GPC6: variants seen among roughly 807,000 people sequenced by gnomAD.
GPC6 encodes glypican 6, also known as glypican-6.
A neutral mutation model predicts 55.2 loss-of-function variants in GPC6; 14 were observed. The observed-to-expected ratio is 0.25, with a 90% CI of 0.17 to 0.40. The LOEUF is 0.40. Among genes scored for constraint, GPC6 ranks in the 10% least tolerant of loss-of-function variants. The pLI, the probability that GPC6 is intolerant of heterozygous loss-of-function variation, is 1.00. For synonymous variants in GPC6, 278 were observed against 259.6 expected, an observed-to-expected ratio of 1.07 and a Z score of -0.68; for missense variants, 641 against 708.5, an observed-to-expected ratio of 0.90 and a Z score of 1.08.
intron 2 of GPC6, among the ~76,000 whole-genome samples, chr13:93,701,570 A>T (rs1882672617): frequency 6.6e-6 from 1 of 152,024 alleles, no homozygotes; most frequent in Non-Finnish European, 1.5e-5. Flanking sequence ...TCCTGTGTCA[A>T]TTAATTTTCA....
intron 2 of GPC6, among the ~76,000 whole-genome samples, chr13:93,786,934 A>T (rs766583387): frequency 6.6e-6 from 1 of 152,184 alleles, no homozygotes; most frequent in African/African-American, 2.4e-5. Flanking sequence ...GGCCTTGAGC[A>T]ATTTGGGCTG....
intron 4 of GPC6, among the ~76,000 whole-genome samples, chr13:94,165,160 T>C (rs1194600734): frequency 1.3e-5 from 2 of 151,228 alleles, no homozygotes; most frequent in Admixed American, 1.3e-4. Flanking sequence ...TGCCTATCAG[T>C]CAACGAGTGG....
intron 4 of GPC6, among the ~76,000 whole-genome samples, chr13:94,236,850 G>A (rs1890893730): frequency 6.6e-6 from 1 of 151,326 alleles, no homozygotes; most frequent in Non-Finnish European, 1.5e-5. Flanking sequence ...TAACATCCTT[G>A]CTTTCCCCCA....
rs546668611 is a variant in GPC6 at position 93,627,896 on chromosome 13, T to G, written c.319+82475T>G. 1.7e-4 allele frequency among the ~76,000 whole-genome samples: 26 copies of G among 152,340 alleles called. No individual in the cohort carries two copies. The South Asian group carries it at 4.8e-3, about 28-fold the overall frequency. ...AAGACATACTTTTATTAGATATCTC[T>G]CAACACATAAATTTCATACTTAACT... On this transcript the variant is annotated intron_variant, in intron 2 of 8. Coordinates refer to ENST00000377047, the MANE Select transcript of GPC6 (RefSeq NM_005708.5).
chr13:94,254,969 A>G (rs114313391), intron 4 of GPC6, among the ~76,000 whole-genome samples: 1,899 of 152,310 alleles, frequency 0.012, 43 homozygotes, highest in African/African-American at 0.044. Context: ...AAGCATTTGA[A>G]ACAAAGAGAT....
intron 3 of GPC6, among the ~76,000 whole-genome samples, chr13:93,903,261 T>C (rs1016064470): frequency 3.3e-5 from 5 of 152,190 alleles, no homozygotes; most frequent in African/African-American, 1.2e-4. Context: ...TTGACTGTTC[T>C]TTTTCAACGG....
chr13:93,718,379 T>C (rs954482018), intron 2 of GPC6, among the ~76,000 whole-genome samples: 6 of 151,886 alleles, frequency 4.0e-5, no homozygotes, highest in East Asian at 1.9e-4. Context: ...CTTTTTTTCA[T>C]GTTTGTTGGG....
chr13:94,001,683 C>T (rs1881808049), intron 3 of GPC6, among the ~76,000 whole-genome samples: 1 of 152,106 alleles, frequency 6.6e-6, no homozygotes, highest in Non-Finnish European at 1.5e-5. Context: ...TTGGTGAATT[C>T]ACAAGTAACA....
At chr13:93,791,758 G>A (rs557228708) in intron 2 of GPC6, among the ~76,000 whole-genome samples, 1 of 152,302 alleles carries the variant, frequency 6.6e-6, no homozygotes, top group South Asian at 2.1e-4. Flanking sequence ...GTGTTTGGAA[G>A]ACTATTCCTG....
chr13:93,667,260 G>C (rs1244558480), intron 2 of GPC6, among the ~76,000 whole-genome samples: 1 of 152,062 alleles, frequency 6.6e-6, no homozygotes, highest in East Asian at 1.9e-4. Context: ...CAGAAGCCAT[G>C]TTATGTGAAA....
chr13:93,893,797 C>A (rs1875831696), intron 3 of GPC6, among the ~76,000 whole-genome samples: 1 of 152,190 alleles, frequency 6.6e-6, no homozygotes, highest in Admixed American at 6.6e-5. Flanking sequence ...TCTAAAATAT[C>A]AGACTTCTCT....
intron 1 of GPC6, among the ~76,000 whole-genome samples, chr13:93,487,699 A>G (rs1879780978): frequency 6.6e-6 from 1 of 152,190 alleles, no homozygotes; most frequent in Non-Finnish European, 1.5e-5. Flanking sequence ...AAGAAGTAGG[A>G]TGACATTTAA....
At chr13:93,736,174 C>T (rs1883996742) in intron 2 of GPC6, among the ~76,000 whole-genome samples, 1 of 152,202 alleles carries the variant, frequency 6.6e-6, no homozygotes, top group Non-Finnish European at 1.5e-5. Context: ...CAGACAGTCA[C>T]ATGTTAAATG....
chr13:93,733,184 TA>T (rs1420541224), intron 2 of GPC6, among the ~76,000 whole-genome samples: 1 of 152,154 alleles, frequency 6.6e-6, no homozygotes. Context: ...ACACTCATCT[TA>T]CTGTGACTCA....
Position 94,253,935 on chromosome 13 carries a change from T to A in GPC6, c.878-32414T>A, listed in dbSNP as rs542149954. ...AAGGTCATTAATTTGCACATTAGTC[T>A]CTTAGGTTGGTAGCACACAGATTGA... is the stretch of plus-strand genomic sequence containing the variant. On this transcript the variant is annotated intron_variant, in intron 4 of 8. Coordinates refer to ENST00000377047, the MANE Select transcript of GPC6 (RefSeq NM_005708.5). Among the ~76,000 whole-genome samples the A allele has an allele frequency of 3.3e-5, 5 of 152,264 alleles. No individual in the cohort carries two copies. In the East Asian group the frequency reaches 7.7e-4, roughly 23 times the overall value.
chr13:93,697,305 G>T (rs1483251300), intron 2 of GPC6, among the ~76,000 whole-genome samples: 1 of 152,096 alleles, frequency 6.6e-6, no homozygotes, highest in Non-Finnish European at 1.5e-5. Context: ...TTTTATGGCT[G>T]TTTCTCTGGT....
chr13:93,696,489 A>G (rs1008259145), intron 2 of GPC6, among the ~76,000 whole-genome samples: 8 of 152,076 alleles, frequency 5.3e-5, no homozygotes, highest in African/African-American at 1.9e-4. Context: ...ATCATTAGCT[A>G]TGAAGAATAA....
At chr13:94,342,077 T>A (rs1878069740) in intron 6 of GPC6, among the ~76,000 whole-genome samples, 1 of 152,262 alleles carries the variant, frequency 6.6e-6, no homozygotes. Flanking sequence ...ACAGGGATTC[T>A]GCATCAACAT....
At chr13:94,193,731 A>G (rs534536301) in intron 4 of GPC6, among the ~76,000 whole-genome samples, 130 of 152,312 alleles carry the variant, frequency 8.5e-4, no homozygotes, top group African/African-American at 2.8e-3. Context: ...TGAAATGCAT[A>G]TGATCATTGT....
Sources: allele counts gnomAD v4.1 joint callset (sites outside exome capture counted in the v4.1 genomes callset), GRCh38; gene constraint gnomAD v4.1.1; transcripts MANE v1.5; gene names NCBI Gene and HGNC (gene_info 2026-07-23, HGNC 2026-07-21).